The following GLG1 variants were observed in gnomAD, a reference collection of about 807,000 sequenced individuals.
The protein encoded by GLG1 is Golgi apparatus protein 1.
Under a neutral mutation model 160.5 loss-of-function variants are expected in GLG1, and 38 were observed. The observed-to-expected ratio is 0.24, with a 90% CI of 0.18 to 0.31. The LOEUF (loss-of-function observed/expected upper bound fraction) is 0.31, where lower values mean the gene tolerates loss of function less well. GLG1 is among the 10% of genes least tolerant of loss of function. The pLI is 1.00. For synonymous variants in GLG1, 644 were observed against 543.4 expected, an observed-to-expected ratio of 1.19 and a Z score of -2.57; for missense variants, 1,373 against 1,505.2, an observed-to-expected ratio of 0.91 and a Z score of 1.45.
chr16:74,551,098 T>C (rs568772754), intron 1 of GLG1, among the ~76,000 whole-genome samples: 8 of 152,200 alleles, frequency 5.3e-5, no homozygotes, highest in Non-Finnish European at 1.2e-4. Flanking sequence ...TTTCAAATGC[T>C]ATACTGGGGC....
chr16:74,506,325 T>C (rs2016600566), intron 3 of GLG1, among the ~76,000 whole-genome samples: 2 of 151,492 alleles, frequency 1.3e-5, no homozygotes, highest in South Asian at 4.2e-4. Context: ...ACACCTGTAA[T>C]CCCGGCACTT....
intron 1 of GLG1, among the ~76,000 whole-genome samples, chr16:74,589,112 G>T (rs564237793): frequency 6.6e-6 from 1 of 151,720 alleles, no homozygotes; most frequent in Admixed American, 6.6e-5. Context: ...AAAATTAGAC[G>T]GGCGTGGTGG....
intron 1 of GLG1, among the ~76,000 whole-genome samples, chr16:74,604,971 G>A (rs534467669): frequency 1.3e-3 from 200 of 152,226 alleles, no homozygotes; most frequent in Non-Finnish European, 2.5e-3. Context: ...GCTTAAAGCC[G>A]GGAGGTGGAG....
At position 74,477,460 on chromosome 16, in the gene GLG1, G is replaced by A; in HGVS notation, c.1901C>T (p.Ala634Val). Residue 634 changes from alanine (A) to valine (V), a missense_variant, in exon 12 of 26, where the codon GCC becomes GTC. Physicochemically the swap from Ala to Val is moderately conservative, Grantham distance 64. Coordinates refer to ENST00000422840, the MANE Select transcript of GLG1 (RefSeq NM_001145667.2). Reference sequence around the variant, plus strand: ...ATCAATCAGGCACTTATCCTGGAGGGCAGGATCCAGCTTGACATCCATGGC... The same window carrying A: ...ATCAATCAGGCACTTATCCTGGAGGACAGGATCCAGCTTGACATCCATGGC... ...QRAMDVKLDP[A>V]LQDKCLIDLG... The A allele has an allele frequency of 2.5e-6, 4 of 1,609,396 alleles. No homozygotes were observed. Among genetic ancestry groups the A allele is most frequent in the Non-Finnish European group, 3.4e-6 (4 of 1,175,680 alleles).
intron 2 of GLG1, among the ~76,000 whole-genome samples, chr16:74,509,163 A>ATTTTTTTT (rs11295055): frequency 4.5e-5 from 4 of 89,614 alleles, no homozygotes; most frequent in Admixed American, 1.4e-4. Flanking sequence ...CTAAAGGACA[A>ATTTTTTTT]TTTTTTTTTT....
At chr16:74,482,464 A>G (rs564227358) in intron 10 of GLG1, among the ~76,000 whole-genome samples, 1 of 152,240 alleles carries the variant, frequency 6.6e-6, no homozygotes, top group East Asian at 1.9e-4. Flanking sequence ...ATGACAGCCA[A>G]TGAACTCAGT....
At chr16:74,533,459 C>A (rs1341161070) in intron 1 of GLG1, among the ~76,000 whole-genome samples, 1 of 152,122 alleles carries the variant, frequency 6.6e-6, no homozygotes, top group African/African-American at 2.4e-5. Context: ...AAAGGAGACA[C>A]AACTGCAATA....
intron 1 of GLG1, among the ~76,000 whole-genome samples, chr16:74,585,609 G>A (rs1489253663): frequency 1.3e-5 from 2 of 151,062 alleles, no homozygotes; most frequent in African/African-American, 2.4e-5. Context: ...TCAGGAGGCT[G>A]AGGCAGGAGA....
At chr16:74,520,480 T>C (rs1448673479) in intron 2 of GLG1, among the ~76,000 whole-genome samples, 3 of 152,074 alleles carry the variant, frequency 2.0e-5, no homozygotes, top group African/African-American at 7.2e-5. Flanking sequence ...CTACTAAGAA[T>C]ACAAAATTAG....
chr16:74,475,162 A>G (rs960092708), intron 12 of GLG1, among the ~76,000 whole-genome samples: 4 of 149,856 alleles, frequency 2.7e-5, no homozygotes, highest in African/African-American at 9.7e-5. Flanking sequence ...CGTCTCAAAA[A>G]AAAAAAAAAA....
intron 1 of GLG1, among the ~76,000 whole-genome samples, chr16:74,568,954 G>T (rs540871315): frequency 6.4e-4 from 98 of 152,316 alleles, no homozygotes; most frequent in African/African-American, 2.3e-3. Flanking sequence ...GAAGGAAAAG[G>T]GGGTACATAC....
chr16:74,542,744 A>AG (rs1372757148), intron 1 of GLG1, among the ~76,000 whole-genome samples: 1,384 of 12,878 alleles, frequency 0.11, 137 homozygotes, highest in East Asian at 0.3. Flanking sequence ...GGAGGAAGGA[A>AG]GGAAGGAAGG....
chr16:74,494,771 T>C lies in GLG1; in HGVS notation c.1039A>G (p.Met347Val), dbSNP rs2016126187. The C allele has an allele frequency of 2.1e-6, 3 of 1,409,832 alleles. No homozygotes were observed. The highest frequency in any genetic ancestry group is 3.0e-6 in the Non-Finnish European group (3 of 994,338). 87.3% of individuals were successfully genotyped at this position (1,409,832 alleles called of 1,614,324 possible). The part of the protein sequence containing the change: ...CLFNHKFEES[M>V]SEKCREALTT... Reference sequence around the variant, plus strand: ...AAAATAATACTTACCTTTTCACTCATGGATTCTTCAAATTTATGGTTAAAG... The same window carrying C: ...AAAATAATACTTACCTTTTCACTCACGGATTCTTCAAATTTATGGTTAAAG... The change falls in exon 6 of 26, where the codon ATG becomes GTG. Residue 347 changes from methionine to valine, a missense_variant. By Grantham distance (21) the Met-to-Val change is conservative. This residue lies in a region of GLG1 where 174 missense variants were observed against 229.9 expected (regional missense o/e 0.76). Coordinates refer to ENST00000422840, the MANE Select transcript of GLG1 (RefSeq NM_001145667.2).
At chr16:74,514,154 C>T (rs2016903611) in intron 2 of GLG1, among the ~76,000 whole-genome samples, 1 of 152,184 alleles carries the variant, frequency 6.6e-6, no homozygotes, top group Admixed American at 6.5e-5. Context: ...AAGACCAAAT[C>T]TGCATTTGAT....
chr16:74,452,486 C>A lies in GLG1; in HGVS notation c.*681G>T. On this transcript the variant is annotated 3_prime_UTR_variant, in exon 26 of 26. Transcript: ENST00000422840. ...TGAAGCGAGGAGACCACAGAAATAC[C>A]CATGGCTGTGGGGCTGTGACCAGCA... 9.5e-7 allele frequency: 1 copy of A among 1,052,286 alleles called. No homozygotes were observed. Among genetic ancestry groups the A allele is most frequent in the Non-Finnish European group, 1.2e-6 (1 of 868,630 alleles). The allele number at this position is 1,052,286 out of a possible 1,614,324, so 65.2% of individuals were successfully genotyped here. A position where few individuals can be genotyped will look rare whatever the true frequency, so the allele number is the denominator to read the frequency against.
intron 1 of GLG1, among the ~76,000 whole-genome samples, chr16:74,555,960 T>C (rs1597343530): frequency 1.3e-5 from 2 of 151,938 alleles, no homozygotes; most frequent in African/African-American, 2.4e-5. Flanking sequence ...CCGCCTCAGC[T>C]TCCTGAATCC....
At position 74,607,011 on chromosome 16, in the gene GLG1, C is replaced by T; in HGVS notation, c.84G>A (p.Glu28=). ...TGTGGACGCCCTGGCCGGGGAGTTT[C>T]TCGGCCCCGGCCGCGAATAGCAGCA... ...HLLLLFAAGA[E]KLPGQGVHSQ... is the part of the protein sequence containing the mutation. Residue 28 remains glutamate (E), a synonymous_variant, in exon 1 of 26, where the codon GAG becomes GAA. Transcript: ENST00000422840. 1 of 1,602,480 alleles carries T rather than the reference C, an allele frequency of 6.2e-7. No homozygotes were observed. The highest frequency in any genetic ancestry group is 8.5e-7 in the Non-Finnish European group (1 of 1,176,782).
chr16:74,459,207 G>A (rs897764067), intron 23 of GLG1, among the ~76,000 whole-genome samples: 4 of 152,230 alleles, frequency 2.6e-5, no homozygotes, highest in Non-Finnish European at 4.4e-5. Flanking sequence ...GGCTGGGCGC[G>A]GTGGCTCACA....
At chr16:74,457,223 T>C (rs117444088) in intron 24 of GLG1, among the ~76,000 whole-genome samples, 3,680 of 152,210 alleles carry the variant, frequency 0.024, 58 homozygotes, top group Non-Finnish European at 0.033. Context: ...GGCAAAACCC[T>C]GTCTGTACTT....
Sources: allele counts gnomAD v4.1 joint callset (sites outside exome capture counted in the v4.1 genomes callset), GRCh38; gene constraint gnomAD v4.1.1; regional missense constraint gnomAD v4.1.1; transcripts MANE v1.5; gene names NCBI Gene and HGNC (gene_info 2026-07-23, HGNC 2026-07-21).